CHRM3: variants seen among roughly 807,000 people sequenced by gnomAD.
CHRM3 encodes cholinergic receptor muscarinic 3, also known as muscarinic acetylcholine receptor M3.
A neutral mutation model predicts 41.8 loss-of-function variants in CHRM3; 11 were observed. The observed-to-expected ratio is 0.26, with a 90% CI of 0.17 to 0.44. The LOEUF is 0.44. Ranked by LOEUF, CHRM3 falls within the 20% of genes least tolerant of loss-of-function variation. The probability of loss-of-function intolerance (pLI) is 1.00; values close to 1 mark genes in which losing one functional copy is unlikely to be tolerated. For synonymous variants in CHRM3, 297 were observed against 301.4 expected (o/e 0.99, Z 0.15); for missense variants, 571 against 745.4 (o/e 0.77, Z 2.72).
At chr1:239,645,191 T>A (rs2120241) in intron 4 of CHRM3, among the ~76,000 whole-genome samples, 93,246 of 152,040 alleles carry the variant, frequency 0.61, 28,964 homozygotes, top group East Asian at 0.83. Flanking sequence ...CCTTAGGCAC[T>A]GCACCAGATG....
chr1:239,780,947 TG>T (rs1668468407), intron 5 of CHRM3, among the ~76,000 whole-genome samples: 1 of 152,144 alleles, frequency 6.6e-6, no homozygotes. Flanking sequence ...GGCCTATTTC[TG>T]GGCTCTCTAT....
At chr1:239,759,173 T>TG in intron 5 of CHRM3, among the ~76,000 whole-genome samples, 1 of 143,582 alleles carries the variant, frequency 7.0e-6, no homozygotes, top group African/African-American at 2.7e-5. Flanking sequence ...TTTTTTGTTT[T>TG]TTTTTTTTGT....
At chr1:239,486,712 C>G (rs998769261) in intron 1 of CHRM3, among the ~76,000 whole-genome samples, 5 of 152,152 alleles carry the variant, frequency 3.3e-5, no homozygotes, top group African/African-American at 1.2e-4. Flanking sequence ...TTACCAACCC[C>G]TGATTTAGAA....
At chr1:239,539,386 G>A (rs1489085705) in intron 2 of CHRM3, among the ~76,000 whole-genome samples, 1 of 152,142 alleles carries the variant, frequency 6.6e-6, no homozygotes, top group East Asian at 1.9e-4. Flanking sequence ...GTCCCCCAGT[G>A]GGGTTAGCCT....
chr1:239,433,836 A>G (rs1663023444), intron 1 of CHRM3, among the ~76,000 whole-genome samples: 1 of 152,118 alleles, frequency 6.6e-6, no homozygotes, highest in South Asian at 2.1e-4. Flanking sequence ...ATACATATAT[A>G]CCACAATTTC....
At chr1:239,629,889 A>G (rs1319030390) in intron 3 of CHRM3, among the ~76,000 whole-genome samples, 2 of 152,140 alleles carry the variant, frequency 1.3e-5, no homozygotes, top group African/African-American at 4.8e-5. Context: ...GGAATTGCCA[A>G]TCTTAGTTTG....
At chr1:239,652,643 A>AG (rs2148974269) in intron 4 of CHRM3, among the ~76,000 whole-genome samples, 1 of 151,470 alleles carries the variant, frequency 6.6e-6, no homozygotes, top group South Asian at 2.1e-4. Context: ...TATGACAGGA[A>AG]AAAAAAAAGA....
rs181972799 is a variant in CHRM3, at chr1:239,766,532, C to A, written c.-146-60720C>A. Among the ~76,000 whole-genome samples the A allele has an allele frequency of 6.9e-3, 1,047 of 152,030 alleles. 9 individuals carry two copies. Among genetic ancestry groups the A allele is most frequent in the Non-Finnish European group, 8.5e-3 (577 of 67,982 alleles). On this transcript the variant is annotated intron_variant, in intron 5 of 6. Coordinates refer to ENST00000676153, the MANE Select transcript of CHRM3 (RefSeq NM_001375978.1). ...TATATCCCTGAACTTAAAATAAAAG[C>A]CCCCCAAAAAGGAATAAATTAGATG...
chr1:239,689,490 G>A (rs1273662806), intron 5 of CHRM3, among the ~76,000 whole-genome samples: 4 of 152,114 alleles, frequency 2.6e-5, no homozygotes, highest in Non-Finnish European at 5.9e-5. Flanking sequence ...TTACAAAATA[G>A]CAGCGTTTGT....
At chr1:239,537,298 G>A (rs1311850068) in intron 2 of CHRM3, among the ~76,000 whole-genome samples, 3 of 152,128 alleles carry the variant, frequency 2.0e-5, no homozygotes, top group Non-Finnish European at 4.4e-5. Flanking sequence ...GGTTCTGCAG[G>A]CTGTACAGGA....
intron 2 of CHRM3, among the ~76,000 whole-genome samples, chr1:239,541,946 T>C (rs1658821823): frequency 6.6e-6 from 1 of 152,188 alleles, no homozygotes. Context: ...TCACTCCAGA[T>C]TGTAACTCCT....
intron 1 of CHRM3, among the ~76,000 whole-genome samples, chr1:239,407,241 T>C (rs1034361258): frequency 1.3e-5 from 2 of 152,052 alleles, no homozygotes; most frequent in African/African-American, 4.8e-5. Context: ...TTGTGATCAC[T>C]TCCTCTAAGT....
chr1:239,521,386 G>T (rs1374759999), intron 2 of CHRM3, among the ~76,000 whole-genome samples: 1 of 152,142 alleles, frequency 6.6e-6, no homozygotes, highest in African/African-American at 2.4e-5. Flanking sequence ...GATACGAGAG[G>T]ACAATAGACC....
intron 2 of CHRM3, among the ~76,000 whole-genome samples, chr1:239,507,191 G>T (rs76856956): frequency 0.013 from 1,964 of 152,246 alleles, 35 homozygotes; most frequent in South Asian, 0.038. Flanking sequence ...GATTTGTGAA[G>T]GGCCAGGTGT....
At chr1:239,526,725 A>G (rs1670019393) in intron 2 of CHRM3, among the ~76,000 whole-genome samples, 2 of 152,110 alleles carry the variant, frequency 1.3e-5, no homozygotes, top group African/African-American at 4.8e-5. Context: ...CTTACATCTT[A>G]TTTTCCTTCA....
At chr1:239,850,722 G>A (rs764566636) in intron 6 of CHRM3, among the ~76,000 whole-genome samples, 32 of 152,176 alleles carry the variant, frequency 2.1e-4, no homozygotes, top group Admixed American at 6.5e-4. Context: ...GTGAGTTCTC[G>A]TGTGATCTGA....
chr1:239,468,285 T>G (rs1402190776), intron 1 of CHRM3, among the ~76,000 whole-genome samples: 2 of 152,214 alleles, frequency 1.3e-5, no homozygotes, highest in African/African-American at 4.8e-5. Context: ...TTACTAAGGT[T>G]TATCAGAAGC....
At chr1:239,643,491 C>T (rs887965155) in intron 4 of CHRM3, among the ~76,000 whole-genome samples, 7 of 152,202 alleles carry the variant, frequency 4.6e-5, no homozygotes, top group African/African-American at 7.2e-5. Flanking sequence ...CCTCCCCCAG[C>T]CGCGCTGCCG....
intron 5 of CHRM3, among the ~76,000 whole-genome samples, chr1:239,720,945 T>A (rs1488052910): frequency 6.6e-6 from 1 of 151,926 alleles, no homozygotes; most frequent in Non-Finnish European, 1.5e-5. Flanking sequence ...TATTTTTGCT[T>A]AATATGTGCT....
Sources: gnomAD v4.1 joint callset for allele counts (sites outside exome capture counted in the v4.1 genomes callset) on GRCh38, gnomAD v4.1.1 for gene constraint, MANE v1.5 for transcripts, NCBI Gene and HGNC (gene_info 2026-07-23, HGNC 2026-07-21) for gene names.